The following SLC35F3 variants were observed in gnomAD, a reference collection of about 807,000 sequenced individuals.
SLC35F3 encodes putative thiamine transporter SLC35F3.
A neutral mutation model predicts 49.9 loss-of-function variants in SLC35F3; 25 were observed. The ratio of observed to expected loss-of-function variants is 0.50; its 90% confidence interval spans 0.37 to 0.70. The LOEUF is 0.70. Ranked by LOEUF, SLC35F3 falls within the 30% of genes least tolerant of loss-of-function variation. The pLI is 0.00. For missense variants in SLC35F3, 525 were observed against 639.8 expected, an observed-to-expected ratio of 0.82 and a Z score of 1.94; for synonymous variants, 275 against 265.4, an observed-to-expected ratio of 1.04 and a Z score of -0.35.
At chr1:234,203,101 A>T (rs1666923569) in intron 2 of SLC35F3, among the ~76,000 whole-genome samples, 1 of 152,206 alleles carries the variant, frequency 6.6e-6, no homozygotes, top group Admixed American at 6.5e-5. Context: ...ATGTTCTGAA[A>T]ATTTATATTG....
intron 2 of SLC35F3, among the ~76,000 whole-genome samples, chr1:233,945,942 G>A (rs944051917): frequency 2.0e-5 from 3 of 152,174 alleles, no homozygotes; most frequent in Admixed American, 6.6e-5. Flanking sequence ...GTTTTAAATA[G>A]CCAAAAGCTA....
chr1:234,039,922 G>A (rs752907934), intron 2 of SLC35F3, among the ~76,000 whole-genome samples: 20 of 152,198 alleles, frequency 1.3e-4, no homozygotes, highest in Non-Finnish European at 2.6e-4. Flanking sequence ...TCAGCTCAGT[G>A]GGCCCTCTGC....
At chr1:234,289,279 T>C (rs949883228) in intron 3 of SLC35F3, among the ~76,000 whole-genome samples, 5 of 152,200 alleles carry the variant, frequency 3.3e-5, no homozygotes, top group Non-Finnish European at 7.3e-5. Flanking sequence ...ATAGGAATGC[T>C]GAATAAAATT....
intron 2 of SLC35F3, among the ~76,000 whole-genome samples, chr1:234,028,225 GC>G (rs1664006323): frequency 6.6e-6 from 1 of 152,178 alleles, no homozygotes; most frequent in Non-Finnish European, 1.5e-5. Flanking sequence ...CACTGGCTGT[GC>G]CCCCGATCCA....
chr1:234,021,903 C>T (rs1663901613), intron 2 of SLC35F3, among the ~76,000 whole-genome samples: 1 of 152,098 alleles, frequency 6.6e-6, no homozygotes, highest in Non-Finnish European at 1.5e-5. Context: ...GAGATTTGTA[C>T]AGTCCCAAGA....
intron 3 of SLC35F3, among the ~76,000 whole-genome samples, chr1:234,282,763 G>A (rs889839751): frequency 6.6e-6 from 1 of 152,168 alleles, no homozygotes; most frequent in Non-Finnish European, 1.5e-5. Flanking sequence ...TCCTCTCTGG[G>A]CCTGGCATTG....
chr1:234,250,586 G>A (rs1420194998), intron 3 of SLC35F3, among the ~76,000 whole-genome samples: 3 of 149,900 alleles, frequency 2.0e-5, no homozygotes, highest in African/African-American at 7.4e-5. Context: ...CCCGGGAGGC[G>A]GAGCTTGCAG....
intron 2 of SLC35F3, among the ~76,000 whole-genome samples, chr1:233,996,975 TCG>T (rs1663471374): frequency 6.6e-6 from 1 of 152,204 alleles, no homozygotes; most frequent in Non-Finnish European, 1.5e-5. Context: ...GGGGTGTTTT[TCG>T]ATTTCACATG....
rs1664448364 is a variant in SLC35F3, at chr1:234,055,774, C to CAT, written c.283+150017_283+150018dup. The stretch of plus-strand genomic sequence containing the variant: ...TAGACTGGAGCTGTTCCTATTCGGC[C>CAT]ATCTTGGAACCCTCTGTATTTTGTT... On this transcript the variant is annotated intron_variant, in intron 2 of 7. Coordinates refer to ENST00000366618, the MANE Select transcript of SLC35F3 (RefSeq NM_173508.4). Among the ~76,000 whole-genome samples, 4 of 152,304 alleles carry CAT rather than the reference C, an allele frequency of 2.6e-5. No individual in the cohort carries two copies. In the South Asian group the frequency reaches 8.3e-4, roughly 32 times the overall value.
chr1:234,052,719 A>G (rs1572033563), intron 2 of SLC35F3, among the ~76,000 whole-genome samples: 1 of 151,984 alleles, frequency 6.6e-6, no homozygotes, highest in East Asian at 1.9e-4. Context: ...AGTTCTTTTA[A>G]TTGTGATATT....
chr1:234,081,168 C>T (rs1664869898), intron 2 of SLC35F3, among the ~76,000 whole-genome samples: 3 of 152,128 alleles, frequency 2.0e-5, no homozygotes, highest in South Asian at 4.1e-4. Context: ...ACCCATGCCT[C>T]GGTCAAAATA....
intron 2 of SLC35F3, among the ~76,000 whole-genome samples, chr1:234,042,506 C>A (rs1664235453): frequency 6.6e-6 from 1 of 152,028 alleles, no homozygotes; most frequent in African/African-American, 2.4e-5. Flanking sequence ...TCAATATCTT[C>A]CCCAAGCGGA....
chr1:234,263,805 G>T (rs957428267), intron 3 of SLC35F3, among the ~76,000 whole-genome samples: 2 of 152,184 alleles, frequency 1.3e-5, no homozygotes, highest in African/African-American at 4.8e-5. Flanking sequence ...ATCACCAGGG[G>T]AGCTTTTAAG....
At chr1:234,023,952 A>T (rs7535424) in intron 2 of SLC35F3, among the ~76,000 whole-genome samples, 4,608 of 152,228 alleles carry the variant, frequency 0.03, 209 homozygotes, top group African/African-American at 0.1. Flanking sequence ...GAACCTAAGG[A>T]GTCCTAATGA....
intron 2 of SLC35F3, among the ~76,000 whole-genome samples, chr1:234,211,282 G>A (rs1368282523): frequency 2.0e-5 from 3 of 152,212 alleles, no homozygotes; most frequent in Non-Finnish European, 4.4e-5. Context: ...AAAATTTGGG[G>A]TCAGAGCCCA....
chr1:234,302,613 T>C (rs74147426), intron 3 of SLC35F3, among the ~76,000 whole-genome samples: 1 of 152,182 alleles, frequency 6.6e-6, no homozygotes, highest in African/African-American at 2.4e-5. Context: ...GGTGATGAAA[T>C]GGGTACGGGA....
At chr1:234,280,742 C>T (rs910695110) in intron 3 of SLC35F3, among the ~76,000 whole-genome samples, 4 of 152,220 alleles carry the variant, frequency 2.6e-5, no homozygotes, top group African/African-American at 4.8e-5. Flanking sequence ...TCACTTCCAC[C>T]GCACAGTCAT....
At chr1:234,159,128 C>T (rs752793907) in intron 2 of SLC35F3, among the ~76,000 whole-genome samples, 8 of 152,000 alleles carry the variant, frequency 5.3e-5, no homozygotes, top group Non-Finnish European at 1.0e-4. Context: ...TTCACACACA[C>T]GAATGTGAAG....
At chr1:234,309,850 C>T (rs1020207289) in intron 4 of SLC35F3, among the ~76,000 whole-genome samples, 2 of 152,230 alleles carry the variant, frequency 1.3e-5, no homozygotes, top group African/African-American at 2.4e-5. Context: ...CATGCTAAGT[C>T]CCAACTGTGA....
Sources: allele counts gnomAD v4.1 joint callset (sites outside exome capture counted in the v4.1 genomes callset), GRCh38; gene constraint gnomAD v4.1.1; transcripts MANE v1.5; gene names NCBI Gene and HGNC (gene_info 2026-07-23, HGNC 2026-07-21).